Variants in WFDC8 observed in about 807,000 individuals in gnomAD.
The protein encoded by WFDC8 is WAP four-disulfide core domain 8, also known as WAP four-disulfide core domain protein 8.
In WFDC8, 24 loss-of-function variants were observed where a neutral mutation model predicts 27.0. The ratio of observed to expected loss-of-function variants is 0.89; its 90% CI spans 0.64 to 1.25. The LOEUF (loss-of-function observed/expected upper bound fraction) is 1.25, where lower values mean the gene tolerates loss of function less well. Ranked by LOEUF, WFDC8 falls within the 50% of genes most tolerant of loss-of-function variation. The probability of loss-of-function intolerance (pLI) is 0.00; values close to 1 mark genes in which losing one functional copy is unlikely to be tolerated. For synonymous variants in WFDC8, 106 were observed against 99.7 expected (o/e 1.06, Z -0.38); for missense variants, 287 against 295.9 (o/e 0.97, Z 0.22).
chr20:45,551,471 T>C (rs1980029888), downstream of WFDC8: 1 of 151,712 alleles, frequency 6.6e-6, no homozygotes, highest in Non-Finnish European at 1.5e-5. Flanking sequence ...CTACTAAAAA[T>C]ACAAAAAATT....
intron 2 of WFDC8, among the ~76,000 whole-genome samples, chr20:45,560,723 T>C (rs1980437138): frequency 6.6e-6 from 1 of 152,230 alleles, no homozygotes; most frequent in African/African-American, 2.4e-5. Flanking sequence ...CCCCACGTCT[T>C]CCCTGAGGAC....
chr20:45,562,271 C>A (rs1404038329), intron 1 of WFDC8, 52 bp from the exon 2 acceptor site: 2 of 1,492,338 alleles, frequency 1.3e-6, no homozygotes, highest in Non-Finnish European at 1.9e-6. Flanking sequence ...GAGAGAGACA[C>A]AAAGTGTGTG....
chr20:45,559,754 A>T (rs1007161557), intron 2 of WFDC8: 2 of 152,082 alleles, frequency 1.3e-5, no homozygotes, highest in Non-Finnish European at 2.9e-5. Flanking sequence ...AGGCAAGGGG[A>T]AAAAAACTAC....
At position 45,555,884 on chromosome 20, in the gene WFDC8, A is replaced by C; in HGVS notation, c.278-16T>G. 1.2e-6 allele frequency: 2 copies of C among 1,612,020 alleles called. No individual in the cohort carries two copies. The highest frequency in any genetic ancestry group is 1.7e-6 in the Non-Finnish European group (2 of 1,178,306). On this transcript the variant is annotated splice_polypyrimidine_tract_variant and intron_variant, in intron 3 of 5. Transcript: ENST00000289953. ...ATGCAGGGTTCTGAGGTCAGGAAGC[A>C]AGGAAAGAAGGATATGAAGAGTAGA...
Position 45,562,195 on chromosome 20 carries a change from G to T in WFDC8, c.51C>A (p.Thr17=). Residue 17 remains threonine, a synonymous_variant, in exon 2 of 6, where the codon ACC becomes ACA. Coordinates refer to ENST00000289953, the MANE Select transcript of WFDC8 (RefSeq NM_130896.3). ...EGGHFPLHSP[T]FSWRNVAFLL... ...GGAAAGCTACATTCCTCCAGGAGAA[G>T]GTGGGGCTATGGAGAGGAAAGTGCC... 6.2e-7 allele frequency: 1 copy of T among 1,614,184 alleles called. No homozygotes were observed. The highest frequency in any genetic ancestry group is 8.5e-7 in the Non-Finnish European group (1 of 1,180,022).
Position 45,555,788 on chromosome 20 carries a change from A to G in WFDC8, c.358T>C (p.Cys120Arg). The G allele has an allele frequency of 6.2e-7, 1 of 1,613,848 alleles. No individual in the cohort carries two copies. Among genetic ancestry groups the G allele is most frequent in the East Asian group, 2.2e-5 (1 of 44,882 alleles). The change falls in exon 4 of 6, where the codon TGC becomes CGC. Residue 120 changes from cysteine (C) to arginine (R), a missense_variant. Coordinates refer to ENST00000289953, the MANE Select transcript of WFDC8 (RefSeq NM_130896.3). ...CAGCCCCTGTATTTGAAGGGTGTGC[A>G]GCGGTAATTTTTAAAGTCAAAATGC... ...RWHFDFKNYR[C>R]TPFKYRGCEG...
intron 1 of WFDC8, among the ~76,000 whole-genome samples, chr20:45,566,298 TAATTA>T (rs1358485052): frequency 1.3e-5 from 2 of 152,196 alleles, no homozygotes; most frequent in South Asian, 2.1e-4. Flanking sequence ...TATTGATTAA[TAATTA>T]AATTAGATCA....
In WFDC8 at chr20:45,562,669, C is replaced by A. The variant is rs144013295; in HGVS notation, c.27-450G>T. Reference sequence around the variant, plus strand: ...AGGGCCTGGGCACACTCTACTGGATCTTGGTGCACCAGAAGCAAGAACAAT... The same window carrying A: ...AGGGCCTGGGCACACTCTACTGGATATTGGTGCACCAGAAGCAAGAACAAT... On this transcript the variant is annotated intron_variant, in intron 1 of 5. Coordinates refer to ENST00000289953, the MANE Select transcript of WFDC8 (RefSeq NM_130896.3). Among the ~76,000 whole-genome samples, 494 of 152,282 alleles carry A rather than the reference C, an allele frequency of 3.2e-3. 3 individuals carry two copies. Among genetic ancestry groups the A allele is most frequent in the African/African-American group, 0.011 (467 of 41,556 alleles).
chr20:45,558,795 C>A, intron 3 of WFDC8, 57 bp downstream of exon 3: 1 of 1,600,500 alleles, frequency 6.2e-7, no homozygotes, highest in Non-Finnish European at 8.5e-7. Context: ...ATCCCTCAGC[C>A]AGTTTTGGAC....
chr20:45,554,851 TCTGA>T (rs1299210474), intron 4 of WFDC8, among the ~76,000 whole-genome samples: 7 of 152,228 alleles, frequency 4.6e-5, no homozygotes, highest in African/African-American at 9.6e-5. Context: ...ACTTCACCTC[TCTGA>T]CTGTGTTCTC....
chr20:45,560,875 A>G (rs1430220454), intron 2 of WFDC8, among the ~76,000 whole-genome samples: 4 of 152,224 alleles, frequency 2.6e-5, no homozygotes, highest in Admixed American at 2.6e-4. Context: ...TTCAGAAAAT[A>G]TAGACTCTAG....
intron 3 of WFDC8, 63 bp from the exon 4 acceptor site, chr20:45,555,931 C>A: frequency 1.3e-6 from 2 of 1,525,366 alleles, no homozygotes; most frequent in South Asian, 2.3e-5. Context: ...AGGGTCAGTT[C>A]CCTAGCATTT....
chr20:45,555,182 T>C (rs1980193111), intron 4 of WFDC8, among the ~76,000 whole-genome samples: 1 of 152,222 alleles, frequency 6.6e-6, no homozygotes. Flanking sequence ...GTCATTTGAC[T>C]CCTAAGTTTG....
intron 4 of WFDC8, among the ~76,000 whole-genome samples, chr20:45,554,046 G>A (rs1002770446): frequency 6.6e-6 from 1 of 152,084 alleles, no homozygotes; most frequent in African/African-American, 2.4e-5. Flanking sequence ...ACTCAACGAA[G>A]CCTCAATTTC....
chr20:45,566,087 A>C (rs1046747732), intron 1 of WFDC8, among the ~76,000 whole-genome samples: 5 of 152,326 alleles, frequency 3.3e-5, no homozygotes, highest in African/African-American at 1.2e-4. Flanking sequence ...ACTAAATGAA[A>C]GAATAACATG....
At chr20:45,579,142 A>G in intron 1 of WFDC8, 80 bp downstream of exon 1, 1 of 1,438,206 alleles carries the variant, frequency 7.0e-7, no homozygotes, top group Middle Eastern at 1.8e-4. Flanking sequence ...CGACCACTCT[A>G]ACTTCTATGT....
rs140507578 is a variant in WFDC8 at position 45,576,199 on chromosome 20, A to G, written c.26+3023T>C. The stretch of plus-strand genomic sequence containing the variant: ...CATTTTTTGTCCTTTTGATCTGTCA[A>G]TGATTGAGAAAGGTGTGTCAAGGGC... On this transcript the variant is annotated intron_variant, in intron 1 of 5. Coordinates refer to ENST00000289953, the MANE Select transcript of WFDC8 (RefSeq NM_130896.3). Among the ~76,000 whole-genome samples the G allele has an allele frequency of 4.3e-3, 658 of 151,396 alleles. 11 individuals carry two copies. Among genetic ancestry groups the G allele is most frequent in the African/African-American group, 0.015 (628 of 41,444 alleles).
In WFDC8 at chr20:45,555,853, G is replaced by T. The variant is rs1980226954; in HGVS notation, c.293C>A (p.Pro98His). 1 of 1,613,810 alleles carries T rather than the reference G, an allele frequency of 6.2e-7. No individual in the cohort carries two copies. Among genetic ancestry groups the T allele is most frequent in the Non-Finnish European group, 8.5e-7 (1 of 1,179,894 alleles). ...ATGATTACAGTTTCCATGCCTCACA[G>T]GTAGCATGCAGGGTTCTGAGGTCAG... ...MDPFQEPCML[P>H]VRHGNCNHEA... Residue 98 changes from proline to histidine, a missense_variant, in exon 4 of 6, where the codon CCT becomes CAT. Pro to His is a moderately conservative substitution (Grantham distance 77). Transcript: ENST00000289953.
At chr20:45,558,033 C>T (rs987788711) in intron 3 of WFDC8, among the ~76,000 whole-genome samples, 25 of 152,204 alleles carry the variant, frequency 1.6e-4, no homozygotes, top group East Asian at 5.8e-4. Flanking sequence ...ACCAAACACC[C>T]GCCCCCCTCT....
Sources: allele counts gnomAD v4.1 joint callset (sites outside exome capture counted in the v4.1 genomes callset), GRCh38; gene constraint gnomAD v4.1.1; transcripts MANE v1.5; gene names NCBI Gene and HGNC (gene_info 2026-07-23, HGNC 2026-07-21).